KAZN: variants seen among roughly 807,000 people sequenced by gnomAD.
KAZN encodes kazrin.
In KAZN, 40 loss-of-function variants were observed where a neutral mutation model predicts 87.4. The ratio of observed to expected loss-of-function variants is 0.46; its 90% CI spans 0.36 to 0.60. KAZN has a LOEUF of 0.60. Among genes scored for constraint, KAZN ranks in the 20% least tolerant of loss-of-function variants. The pLI is 0.00. For synonymous variants in KAZN, 466 were observed against 458.3 expected, an observed-to-expected ratio of 1.02 and a Z score of -0.22; for missense variants, 898 against 1,073.9, an observed-to-expected ratio of 0.84 and a Z score of 2.29.
chr1:14,536,885 A>G (rs1179554570), intron 2 of KAZN, among the ~76,000 whole-genome samples: 1 of 151,890 alleles, frequency 6.6e-6, no homozygotes, highest in African/African-American at 2.4e-5. Context: ...TCCGTCTCAA[A>G]AAAAAAAAAG....
chr1:13,936,894 A>G (rs1640761350), intron 1 of KAZN, among the ~76,000 whole-genome samples: 2 of 152,172 alleles, frequency 1.3e-5, no homozygotes, highest in South Asian at 4.1e-4. Context: ...GAATCAAGCC[A>G]TTACAACTGT....
At chr1:15,007,234 G>C (rs1473541153) in intron 2 of KAZN, among the ~76,000 whole-genome samples, 2 of 152,220 alleles carry the variant, frequency 1.3e-5, no homozygotes, top group Admixed American at 6.5e-5. Context: ...CAGCATGTTG[G>C]GAGGCTGGGC....
intron 1 of KAZN, among the ~76,000 whole-genome samples, chr1:13,971,418 T>C (rs1268962896): frequency 1.3e-5 from 2 of 152,152 alleles, no homozygotes; most frequent in African/African-American, 4.8e-5. Flanking sequence ...GGAGGTTCAA[T>C]AATTGGGGTC....
chr1:14,829,499 G>A lies in KAZN; in HGVS notation c.227-131185G>A, dbSNP rs61772311. ...GCAGGAGGATCTCTTGAGCTCAGGG[G>A]TTCAAGGCTGCAGTGAGCTATGATT... On this transcript the variant is annotated intron_variant, in intron 1 of 14. Coordinates refer to ENST00000376030, the MANE Select transcript of KAZN (RefSeq NM_201628.3). Among the ~76,000 whole-genome samples the A allele has an allele frequency of 2.6e-5, 4 of 152,116 alleles. No individual in the cohort carries two copies. In the East Asian group the frequency reaches 5.8e-4, roughly 22 times the overall value.
intron 2 of KAZN, among the ~76,000 whole-genome samples, chr1:14,393,623 C>T (rs1210228478): frequency 6.6e-6 from 1 of 151,924 alleles, no homozygotes; most frequent in African/African-American, 2.4e-5. Flanking sequence ...TGGCACCCTC[C>T]CCAGTCTCTG....
intron 1 of KAZN, among the ~76,000 whole-genome samples, chr1:14,889,512 G>A (rs1306879646): frequency 1.3e-5 from 2 of 152,172 alleles, no homozygotes; most frequent in African/African-American, 2.4e-5. Context: ...ACAAACTGAG[G>A]CAGCTTCTGT....
intron 1 of KAZN, among the ~76,000 whole-genome samples, chr1:13,986,524 A>G (rs567713754): frequency 3.9e-5 from 6 of 152,356 alleles, no homozygotes; most frequent in African/African-American, 7.2e-5. Flanking sequence ...TTGCATTGAG[A>G]CTTGGAAATG....
intron 2 of KAZN, among the ~76,000 whole-genome samples, chr1:14,266,748 A>G (rs764151096): frequency 2.6e-5 from 4 of 152,234 alleles, no homozygotes; most frequent in Non-Finnish European, 5.9e-5. Context: ...AGACATGCCA[A>G]TTCACCTAAC....
chr1:14,224,649 G>A (rs1647200465), intron 2 of KAZN, among the ~76,000 whole-genome samples: 1 of 152,158 alleles, frequency 6.6e-6, no homozygotes, highest in South Asian at 2.1e-4. Flanking sequence ...GCTAAGAAAT[G>A]ACATAGTAGG....
chr1:14,316,995 G>T (rs910236268), intron 2 of KAZN, among the ~76,000 whole-genome samples: 11 of 151,850 alleles, frequency 7.2e-5, no homozygotes, highest in South Asian at 2.1e-4. Context: ...TGAGATGAAA[G>T]TTTACTCCAT....
chr1:14,988,136 A>G (rs1165184044), intron 2 of KAZN, among the ~76,000 whole-genome samples: 1 of 152,192 alleles, frequency 6.6e-6, no homozygotes, highest in African/African-American at 2.4e-5. Flanking sequence ...TCCTGAGCCA[A>G]GAAAGGAGGA....
At chr1:14,319,075 T>C (rs1341200935) in intron 2 of KAZN, among the ~76,000 whole-genome samples, 1 of 150,598 alleles carries the variant, frequency 6.6e-6, no homozygotes, top group Non-Finnish European at 1.5e-5. Context: ...TTTCTGGTGA[T>C]GGGCTCTGTT....
intron 1 of KAZN, among the ~76,000 whole-genome samples, chr1:14,697,154 A>AAAAAG (rs746129164): frequency 2.4e-5 from 3 of 124,686 alleles, no homozygotes; most frequent in African/African-American, 6.2e-5. Context: ...AAAAAAAAAA[A>AAAAAG]AAAGAAAAGA....
intron 2 of KAZN, among the ~76,000 whole-genome samples, chr1:14,539,011 C>T (rs553127622): frequency 8.5e-5 from 13 of 152,216 alleles, no homozygotes; most frequent in African/African-American, 2.6e-4. Context: ...AAACTTAGAG[C>T]GTTATTTTAC....
At chr1:14,767,565 CA>C (rs1644917482) in intron 1 of KAZN, among the ~76,000 whole-genome samples, 1 of 152,184 alleles carries the variant, frequency 6.6e-6, no homozygotes, top group Non-Finnish European at 1.5e-5. Context: ...AGTGCAAAGC[CA>C]AAATACCATC....
intron 2 of KAZN, among the ~76,000 whole-genome samples, chr1:14,985,230 A>G (rs117768540): frequency 0.016 from 2,095 of 128,228 alleles, 23 homozygotes; most frequent in East Asian, 0.026. Context: ...GCTCACGCCT[A>G]TAATCCCAGA....
upstream of KAZN, among the ~76,000 whole-genome samples, chr1:14,594,950 G>A (rs965314291): frequency 6.6e-6 from 1 of 152,062 alleles, no homozygotes; most frequent in Non-Finnish European, 1.5e-5. Context: ...TTCAAGAGCA[G>A]TCTGGCCAAG....
intron 1 of KAZN, among the ~76,000 whole-genome samples, chr1:14,788,564 A>G (rs1347404062): frequency 6.6e-6 from 1 of 152,110 alleles, no homozygotes; most frequent in African/African-American, 2.4e-5. Context: ...GTGATGAGCC[A>G]TGAGCTACAG....
intron 2 of KAZN, among the ~76,000 whole-genome samples, chr1:14,363,967 ATTTT>A (rs34042579): frequency 1.3e-4 from 19 of 145,852 alleles, no homozygotes; most frequent in African/African-American, 4.0e-4. Context: ...TACTCACAAT[ATTTT>A]TTTTTTTTTT....
Sources: gnomAD v4.1 joint callset for allele counts (sites outside exome capture counted in the v4.1 genomes callset) on GRCh38, gnomAD v4.1.1 for gene constraint, MANE v1.5 for transcripts, NCBI Gene and HGNC (gene_info 2026-07-23, HGNC 2026-07-21) for gene names.